The following SPTB variants were observed in gnomAD, a reference collection of about 807,000 sequenced individuals.
SPTB encodes spectrin beta, erythrocytic.
In SPTB, 45 loss-of-function variants were observed where a neutral mutation model predicts 256.2. The observed-to-expected ratio is 0.18, with a 90% CI of 0.14 to 0.23. SPTB has a LOEUF of 0.23. Among genes scored for constraint, SPTB ranks in the 10% least tolerant of loss-of-function variants. The probability of loss-of-function intolerance (pLI) is 1.00; values close to 1 mark genes in which losing one functional copy is unlikely to be tolerated. For missense variants in SPTB, 2,715 were observed against 3,040.4 expected, an observed-to-expected ratio of 0.89 and a Z score of 2.52; for synonymous variants, 1,231 against 1,243.1, an observed-to-expected ratio of 0.99 and a Z score of 0.21.
chr14:64,802,360 C>G lies in SPTB; in HGVS notation c.475-43G>C. The G allele has an allele frequency of 6.3e-7, 1 of 1,594,786 alleles. No individual in the cohort carries two copies. ...AGAGAGATTTGAAGAGGATGTGCAT[C>G]TGGATCTGTGCTTTCCTGCCGTCCC... is the stretch of plus-strand genomic sequence containing the variant. On this transcript the variant is annotated intron_variant, in intron 4 of 35. Coordinates refer to ENST00000644917, the MANE Select transcript of SPTB (RefSeq NM_001355436.2). The surrounding 1 kb of genome is among the most constrained non-coding windows in gnomAD (Gnocchi z 5.1).
Position 64,773,286 on chromosome 14 carries a change from C to T in SPTB, c.5112G>A (p.Gln1704=). 6.2e-7 allele frequency: 1 copy of T among 1,614,258 alleles called. No homozygotes were observed. The highest frequency in any genetic ancestry group is 8.5e-7 in the Non-Finnish European group (1 of 1,180,048). ...CCACTAGCTCCTTTTCTGAAATCCA[C>T]TGCTCCAGGTCGTCGGTCTCCCGCT... is the stretch of plus-strand genomic sequence containing the variant. ...QLKRETDDLE[Q]WISEKELVAS... is the part of the protein sequence containing the mutation. The change falls in exon 25 of 36, where the codon CAG becomes CAA. Residue 1704 remains glutamine, a synonymous_variant. Transcript: ENST00000644917.
At chr14:64,787,522 C>T (rs1234631072) in intron 15 of SPTB, among the ~76,000 whole-genome samples, 1 of 152,176 alleles carries the variant, frequency 6.6e-6, no homozygotes, top group Admixed American at 6.5e-5. Flanking sequence ...AAAAGGCTCA[C>T]ATTAACTTCA....
Position 64,758,424 on chromosome 14 carries a change from G to T in SPTB, c.6346-4631C>A, listed in dbSNP as rs139665307. On this transcript the variant is annotated intron_variant, in intron 32 of 35. Transcript: ENST00000644917. This position sits in a 1 kb window ranked among gnomAD's most constrained non-coding sequence, Gnocchi z 4.6. ...AGGGCCTGAGGCCCCACCCCTTTAG[G>T]GTAGTGCAGAAGTGGCCTGAGGCCC... Among the ~76,000 whole-genome samples, 278 of 152,346 alleles carry T rather than the reference G, an allele frequency of 1.8e-3. 3 individuals carry two copies. Among genetic ancestry groups the T allele is most frequent in the African/African-American group, 6.4e-3 (267 of 41,586 alleles).
At position 64,785,955 on chromosome 14, in the gene SPTB, T is replaced by C; in HGVS notation, c.3562-4A>G. 6.2e-7 allele frequency: 1 copy of C among 1,613,924 alleles called. No individual in the cohort carries two copies. The highest frequency in any genetic ancestry group is 8.5e-7 in the Non-Finnish European group (1 of 1,179,978). On this transcript the variant is annotated splice_polypyrimidine_tract_variant and splice_region_variant and intron_variant, in intron 16 of 35. Coordinates refer to ENST00000644917, the MANE Select transcript of SPTB (RefSeq NM_001355436.2). This position sits in a 1 kb window ranked among gnomAD's most constrained non-coding sequence, Gnocchi z 4.4. ...CCAAGTGAGCCAGAGTGTATTCCTG[T>C]TGGAACAAGTTTCCAGACAAGGCAT...
In SPTB at chr14:64,786,268, G is replaced by C. The variant is rs2082565970; in HGVS notation, c.3561+136C>G. On this transcript the variant is annotated intron_variant, in intron 16 of 35. Transcript: ENST00000644917. The surrounding 1 kb of genome is among the most constrained non-coding windows in gnomAD (Gnocchi z 5.6). Reference sequence around the variant, plus strand: ...GAAAAGGCCCCTAATGAGAAACAAAGATTTCCCCCATGAGTGAATACAGAG... The same window carrying C: ...GAAAAGGCCCCTAATGAGAAACAAACATTTCCCCCATGAGTGAATACAGAG... 2.5e-5 allele frequency: 32 copies of C among 1,292,606 alleles called. 1 individual carries two copies. The South Asian group carries it at 3.8e-4, about 15-fold the overall frequency. The allele number at this position is 1,292,606 out of a possible 1,614,324, so 80.1% of individuals were successfully genotyped here.
At chr14:64,861,426 T>C (rs917046018) in intron 1 of SPTB, among the ~76,000 whole-genome samples, 2 of 152,182 alleles carry the variant, frequency 1.3e-5, no homozygotes, top group African/African-American at 4.8e-5. Flanking sequence ...TGGTTCTTTG[T>C]ATGTGACAGG....
In SPTB at chr14:64,782,881, G is replaced by A. The variant is rs229638; in HGVS notation, c.4003-328C>T. Among the ~76,000 whole-genome samples the A allele has an allele frequency of 0.34, 51,444 of 151,078 alleles. 11,038 individuals carry two copies. The highest frequency in any genetic ancestry group is 0.61 in the African/African-American group (24,993 of 41,038). Reference sequence around the variant, plus strand: ...TATGCACCACCACAGATAAGGAAAAGGTCCTCATATTCAAAGGGTTAGACA... The same window carrying A: ...TATGCACCACCACAGATAAGGAAAAAGTCCTCATATTCAAAGGGTTAGACA... On this transcript the variant is annotated intron_variant, in intron 19 of 35. Coordinates refer to ENST00000644917, the MANE Select transcript of SPTB (RefSeq NM_001355436.2).
Position 64,805,089 on chromosome 14 carries a change from A to C in SPTB, c.150T>G (p.Asp50Glu), listed in dbSNP as rs1566775649. Reference sequence around the variant, plus strand: ...TCTTTTTCTGAACAACTTCCCGCTCATCTAGGTGGAGAGAAGAACCTTGGT... The same window carrying C: ...TCTTTTTCTGAACAACTTCCCGCTCCTCTAGGTGGAGAGAAGAACCTTGGT... ...FERSRIKALA[D>E]EREVVQKKTF... is the part of the protein sequence containing the mutation. Residue 50 changes from aspartate (D) to glutamate (E), a missense_variant and splice_region_variant, in exon 3 of 36, where the codon GAT (aspartate) becomes GAG (glutamate). Transcript: ENST00000644917. The C allele has an allele frequency of 2.3e-5, 37 of 1,614,008 alleles. No homozygotes were observed. Among genetic ancestry groups the C allele is most frequent in the Non-Finnish European group, 3.1e-5 (37 of 1,180,022 alleles).
intron 33 of SPTB, among the ~76,000 whole-genome samples, chr14:64,750,953 A>AT (rs35981317): frequency 7.9e-5 from 5 of 63,552 alleles, no homozygotes; most frequent in Non-Finnish European, 1.5e-4. Flanking sequence ...TATATAATAC[A>AT]TATTTTATAC....
At chr14:64,753,437 C>T (rs2081978549) in intron 33 of SPTB, 100 bp downstream of exon 33, 5 of 1,582,140 alleles carry the variant, frequency 3.2e-6, no homozygotes, top group Non-Finnish European at 4.3e-6. Flanking sequence ...AGAAGGCACC[C>T]CTCCCCCAGC....
At chr14:64,763,907 G>A in intron 32 of SPTB, 1 of 518,078 alleles carries the variant, frequency 1.9e-6, no homozygotes, top group Non-Finnish European at 3.9e-6. Context: ...ACACACACGT[G>A]GGGAAGGGGA....
In SPTB at chr14:64,775,341, C is replaced by T. The variant is rs1438736833; in HGVS notation, c.4626G>A (p.Gln1542=). Residue 1542 remains glutamine (Q), a synonymous_variant, in exon 23 of 36, where the codon CAG becomes CAA. Transcript: ENST00000644917. This position sits in a 1 kb window ranked among gnomAD's most constrained non-coding sequence, Gnocchi z 5.0. ...PRVEDVLQRG[Q]QLVEAAEIDC... is the part of the protein sequence containing the mutation. ...CGATCTCCGCCGCCTCCACCAGCTG[C>T]TGCCCTCTCTGCAGCACATCCTCAA... 1 of 1,613,418 alleles carries T rather than the reference C, an allele frequency of 6.2e-7. No homozygotes were observed. The highest frequency in any genetic ancestry group is 1.3e-5 in the African/African-American group (1 of 74,954).
intron 33 of SPTB, 35 bp from the exon 34 acceptor site, chr14:64,750,189 C>A: frequency 6.2e-7 from 1 of 1,604,512 alleles, no homozygotes; most frequent in Non-Finnish European, 8.5e-7. Flanking sequence ...CACCCACATC[C>A]TGATATGGTA....
chr14:64,839,992 G>A (rs2083581752), intron 1 of SPTB, among the ~76,000 whole-genome samples: 1 of 152,212 alleles, frequency 6.6e-6, no homozygotes, highest in African/African-American at 2.4e-5. Context: ...TGTAAACAAT[G>A]TCTATCAGAA....
intron 2 of SPTB, among the ~76,000 whole-genome samples, chr14:64,815,874 T>C (rs866246108): frequency 2.3e-4 from 35 of 152,134 alleles, no homozygotes; most frequent in African/African-American, 7.2e-4. Flanking sequence ...CAGGTGAGGA[T>C]AAAGAGGCCC....
chr14:64,755,332 G>T (rs971220170), intron 32 of SPTB: 8 of 152,216 alleles, frequency 5.3e-5, no homozygotes, highest in African/African-American at 1.7e-4. Context: ...AGTGACCAGG[G>T]TCTGCCTGAG....
chr14:64,821,351 T>G (rs117175139), intron 2 of SPTB, among the ~76,000 whole-genome samples: 2,622 of 152,198 alleles, frequency 0.017, 32 homozygotes, highest in Admixed American at 0.025. Context: ...TGGCCAGGGG[T>G]TTAGCTTTAA....
intron 1 of SPTB, among the ~76,000 whole-genome samples, chr14:64,828,295 G>T (rs1429252073): frequency 2.0e-5 from 3 of 151,840 alleles, no homozygotes; most frequent in Admixed American, 6.6e-5. Context: ...TGCTGCAGCT[G>T]CTGGAATAGG....
intron 1 of SPTB, among the ~76,000 whole-genome samples, chr14:64,864,792 T>C (rs149145084): frequency 1.3e-5 from 2 of 152,226 alleles, no homozygotes; most frequent in East Asian, 3.9e-4. Context: ...TGTTATAATT[T>C]CTAAAAACTG....
Sources: gnomAD v4.1 joint callset for allele counts (sites outside exome capture counted in the v4.1 genomes callset) on GRCh38, gnomAD v4.1.1 for gene constraint, Gnocchi (gnomAD v3.1) non-coding constraint, MANE v1.5 for transcripts, NCBI Gene and HGNC (gene_info 2026-07-23, HGNC 2026-07-21) for gene names.